Variants in KSR2 observed in about 807,000 individuals in gnomAD.
KSR2 encodes the protein kinase suppressor of ras 2.
Under a neutral mutation model 107.8 loss-of-function variants are expected in KSR2, and 25 were observed. The ratio of observed to expected loss-of-function variants is 0.23; its 90% CI spans 0.17 to 0.32. KSR2 has a LOEUF of 0.32. Ranked by LOEUF, KSR2 falls within the 10% of genes least tolerant of loss-of-function variation. KSR2 has a pLI of 1.00. For synonymous variants in KSR2, 480 were observed against 507.0 expected, an observed-to-expected ratio of 0.95 and a Z score of 0.71; for missense variants, 887 against 1,268.9, an observed-to-expected ratio of 0.70 and a Z score of 4.57.
chr12:117,661,854 T>C (rs73211986), intron 5 of KSR2, among the ~76,000 whole-genome samples: 1,866 of 152,288 alleles, frequency 0.012, 21 homozygotes, highest in Non-Finnish European at 0.02. Flanking sequence ...GGAGTTAAGC[T>C]GGTTGCTTCT....
chr12:117,633,722 G>A (rs367705163), intron 5 of KSR2, among the ~76,000 whole-genome samples: 6 of 152,106 alleles, frequency 3.9e-5, no homozygotes, highest in Admixed American at 6.5e-5. Context: ...TTAATCCATC[G>A]TGACCTCACC....
chr12:117,553,948 G>T (rs1433278127), intron 9 of KSR2, among the ~76,000 whole-genome samples: 2 of 152,086 alleles, frequency 1.3e-5, no homozygotes, highest in African/African-American at 4.8e-5. Context: ...GCAGCCTGTG[G>T]CCTCCCCAGA....
intron 5 of KSR2, among the ~76,000 whole-genome samples, chr12:117,657,060 A>G (rs1884217254): frequency 1.3e-5 from 2 of 148,150 alleles, no homozygotes; most frequent in Admixed American, 6.8e-5. Flanking sequence ...TAATACTGCG[A>G]AACTCTCCAT....
chr12:117,963,221 T>C (rs1423575017), intron 1 of KSR2, among the ~76,000 whole-genome samples: 1 of 151,702 alleles, frequency 6.6e-6, no homozygotes, highest in South Asian at 2.1e-4. Context: ...CACCCATTCA[T>C]GTATGTACTG....
At chr12:117,731,108 C>G (rs1301971544) in intron 4 of KSR2, among the ~76,000 whole-genome samples, 1 of 151,168 alleles carries the variant, frequency 6.6e-6, no homozygotes, top group Non-Finnish European at 1.5e-5. Flanking sequence ...TGGGGAGCGC[C>G]TCTGCCCAGC....
intron 14 of KSR2, among the ~76,000 whole-genome samples, chr12:117,493,945 T>G (rs1318394887): frequency 6.6e-6 from 1 of 152,228 alleles, no homozygotes; most frequent in Non-Finnish European, 1.5e-5. Flanking sequence ...GCCATGATTC[T>G]GAGGCCTCCC....
At chr12:117,666,583 G>GAAACAAA in intron 5 of KSR2, among the ~76,000 whole-genome samples, 1 of 152,202 alleles carries the variant, frequency 6.6e-6, no homozygotes, top group Non-Finnish European at 1.5e-5. Flanking sequence ...GGGATTGTTT[G>GAAACAAA]CAAGAACTAA....
rs370976488 is a variant in KSR2 at position 117,667,571 on chromosome 12, C to T, written c.1074G>A (p.Pro358=). ...AGCGGAGGGAGCGCTCGGACAGCAG[C>T]GGGGAGCGCTGCTGAGAGGGGATGT... ...CENIPSQQRS[P]LLSERSLRSF... Residue 358 remains proline (P), a synonymous_variant, in exon 5 of 20, where the codon CCG becomes CCA. Transcript: ENST00000339824. 67 of 1,613,202 alleles carry T rather than the reference C, an allele frequency of 4.2e-5. No individual in the cohort carries two copies. Among genetic ancestry groups the T allele is most frequent in the Non-Finnish European group, 5.6e-5 (66 of 1,179,640 alleles).
At chr12:117,646,894 G>A (rs11834479) in intron 5 of KSR2, among the ~76,000 whole-genome samples, 4,711 of 152,202 alleles carry the variant, frequency 0.031, 244 homozygotes, top group African/African-American at 0.11. Flanking sequence ...GGAATGCAGC[G>A]CAGAAGGGCT....
chr12:117,650,285 C>T (rs1363519671), intron 5 of KSR2, among the ~76,000 whole-genome samples: 1 of 152,210 alleles, frequency 6.6e-6, no homozygotes, highest in Non-Finnish European at 1.5e-5. Flanking sequence ...TACAACCATA[C>T]AACTCCAAGT....
chr12:117,673,395 G>T (rs775276817), intron 4 of KSR2, among the ~76,000 whole-genome samples: 30 of 152,170 alleles, frequency 2.0e-4, no homozygotes, highest in Admixed American at 4.6e-4. Context: ...GTGAGAATGG[G>T]AAGACAGAAG....
chr12:117,677,187 T>TACCA (rs1230115610), intron 4 of KSR2: 1 of 152,214 alleles, frequency 6.6e-6, no homozygotes, highest in East Asian at 1.9e-4. Flanking sequence ...ATTCTCTTGG[T>TACCA]TCTCACCATC....
At chr12:117,735,764 A>G (rs578254822) in intron 4 of KSR2, among the ~76,000 whole-genome samples, 12 of 152,258 alleles carry the variant, frequency 7.9e-5, no homozygotes, top group African/African-American at 2.9e-4. Context: ...CTATAATAGT[A>G]GTTAAGAAAT....
In KSR2 at chr12:117,861,458, G is replaced by A. The variant is rs370300922; in HGVS notation, c.181-1027C>T. On this transcript the variant is annotated intron_variant, in intron 1 of 19. Coordinates refer to ENST00000339824, the MANE Select transcript of KSR2 (RefSeq NM_173598.6). ...GGCTGGAGTGCAGTGGCGTGATCTC[G>A]GCTCACTGCAAGCTCCGCCTCCCGG... is the stretch of plus-strand genomic sequence containing the variant. Among the ~76,000 whole-genome samples the A allele has an allele frequency of 6.2e-4, 82 of 132,046 alleles. 2 individuals are homozygous for A. The highest frequency in any genetic ancestry group is 2.2e-3 in the African/African-American group (74 of 33,894). The allele number at this position is 132,046 out of a possible 152,430, so 86.6% of individuals were successfully genotyped here.
chr12:117,600,663 C>A (rs1410023257), intron 5 of KSR2, among the ~76,000 whole-genome samples: 2 of 152,196 alleles, frequency 1.3e-5, no homozygotes, highest in Non-Finnish European at 2.9e-5. Context: ...ATGTCAACAT[C>A]TTTGCACTTT....
rs56091034 is a variant in KSR2 at position 117,875,333 on chromosome 12, A to ATTT, written c.181-14905_181-14903dup. Among the ~76,000 whole-genome samples the ATTT allele has an allele frequency of 2.3e-3, 323 of 138,008 alleles. 4 individuals are homozygous for ATTT. The highest frequency in any genetic ancestry group is 7.4e-3 in the African/African-American group (276 of 37,384). 90.5% of individuals were successfully genotyped at this position (138,008 alleles called of 152,430 possible). On this transcript the variant is annotated intron_variant, in intron 1 of 19. Transcript: ENST00000339824. ...TCCAAATCCTCACCCCTTAGGTGCTATTTTTTTTTTTTTTTTTTAAGAACG... is the reference window on the plus strand; with the variant it reads ...TCCAAATCCTCACCCCTTAGGTGCTATTTTTTTTTTTTTTTTTTTTTAAGAACG...
intron 3 of KSR2, among the ~76,000 whole-genome samples, chr12:117,793,439 GCA>G (rs1315265624): frequency 3.7e-5 from 5 of 135,400 alleles, no homozygotes; most frequent in Non-Finnish European, 7.7e-5. Context: ...ACACCAACAT[GCA>G]CACTCAAACC....
chr12:117,953,880 A>G (rs1309885154), intron 1 of KSR2, among the ~76,000 whole-genome samples: 3 of 152,172 alleles, frequency 2.0e-5, no homozygotes, highest in Admixed American at 6.6e-5. Context: ...ACTTGAGCCT[A>G]GGAGTTTGAG....
At chr12:117,538,087 TG>T (rs1395473392) in intron 10 of KSR2, among the ~76,000 whole-genome samples, 1 of 134,024 alleles carries the variant, frequency 7.5e-6, no homozygotes, top group Non-Finnish European at 1.6e-5. Context: ...TGGGTGGTCA[TG>T]GGAAGTCTAA....
Sources: gnomAD v4.1 joint callset for allele counts (sites outside exome capture counted in the v4.1 genomes callset) on GRCh38, gnomAD v4.1.1 for gene constraint, MANE v1.5 for transcripts, NCBI Gene and HGNC (gene_info 2026-07-23, HGNC 2026-07-21) for gene names.